The following PCDH15 variants were observed in gnomAD, a reference collection of about 807,000 sequenced individuals.
PCDH15 encodes the protein protocadherin-15.
PCDH15 carries 129 observed loss-of-function variants against 178.5 expected under a neutral mutation model. The ratio of observed to expected loss-of-function variants is 0.72; its 90% CI spans 0.63 to 0.84. The LOEUF is 0.84. PCDH15 is among the 40% of genes least tolerant of loss of function. The pLI is 0.00. For missense variants in PCDH15, 2,230 were observed against 2,099.9 expected (o/e 1.06, Z -1.21); for synonymous variants, 800 against 732.0 (o/e 1.09, Z -1.50).
At chr10:54,680,856 G>A (rs2094886953) in intron 1 of PCDH15, among the ~76,000 whole-genome samples, 1 of 152,168 alleles carries the variant, frequency 6.6e-6, no homozygotes, top group African/African-American at 2.4e-5. Flanking sequence ...TCTTGGGTAT[G>A]TCTTTATTAG....
At chr10:53,965,349 C>T (rs563818169) in intron 21 of PCDH15, among the ~76,000 whole-genome samples, 4 of 152,258 alleles carry the variant, frequency 2.6e-5, no homozygotes, top group East Asian at 3.9e-4. Flanking sequence ...TAAGCCACCG[C>T]GCCCAGCCCT....
intron 9 of PCDH15, among the ~76,000 whole-genome samples, chr10:54,230,394 A>G (rs2053925875): frequency 6.6e-6 from 1 of 152,166 alleles, no homozygotes; most frequent in Non-Finnish European, 1.5e-5. Context: ...CAAAAAAGGA[A>G]ACAGAAAAAT....
At chr10:54,181,162 C>T (rs768055314) in intron 13 of PCDH15, among the ~76,000 whole-genome samples, 1 of 151,982 alleles carries the variant, frequency 6.6e-6, no homozygotes, top group African/African-American at 2.4e-5. Flanking sequence ...AATTGTCATT[C>T]ATTTATTTAT....
At chr10:55,581,873 G>T (rs574919046) in intron 2 of PCDH15, among the ~76,000 whole-genome samples, 1 of 152,120 alleles carries the variant, frequency 6.6e-6, no homozygotes, top group African/African-American at 2.4e-5. Flanking sequence ...ATGGGGAACC[G>T]ATTCTTGCTC....
intron 2 of PCDH15, among the ~76,000 whole-genome samples, chr10:55,159,365 C>CTA (rs1181041481): frequency 5.8e-4 from 10 of 17,274 alleles, no homozygotes; most frequent in African/African-American, 1.1e-3. Context: ...ATCTATCTAT[C>CTA]TATCTATATA....
At position 55,485,891 on chromosome 10, in the gene PCDH15, T is replaced by A. The variant is rs148486976; in HGVS notation, c.-156+141734A>T. Reference sequence around the variant, plus strand: ...TTCCTTTTGGGGTCTGGAACTTCGATAACCATAGTCAGTCACATAGACTTT... The same window carrying A: ...TTCCTTTTGGGGTCTGGAACTTCGAAAACCATAGTCAGTCACATAGACTTT... On this transcript the variant is annotated intron_variant, in intron 2 of 5. Transcript: ENST00000613346. Among the ~76,000 whole-genome samples the A allele has an allele frequency of 2.3e-3, 348 of 151,832 alleles. 2 individuals are homozygous for A. Among genetic ancestry groups the A allele is most frequent in the Non-Finnish European group, 4.0e-3 (271 of 67,792 alleles).
intron 1 of PCDH15, among the ~76,000 whole-genome samples, chr10:54,786,702 T>C (rs189208097): frequency 6.6e-6 from 1 of 152,058 alleles, no homozygotes; most frequent in East Asian, 1.9e-4. Flanking sequence ...GATCTTTGAA[T>C]TTATGTCAAT....
At chr10:55,344,546 A>C (rs1165933860) in intron 2 of PCDH15, among the ~76,000 whole-genome samples, 3 of 152,126 alleles carry the variant, frequency 2.0e-5, no homozygotes, top group South Asian at 4.1e-4. Context: ...AAAAGAAGAC[A>C]GTCAAAGATT....
chr10:54,707,542 A>C (rs1008452619), intron 1 of PCDH15, among the ~76,000 whole-genome samples: 1 of 152,184 alleles, frequency 6.6e-6, no homozygotes, highest in Non-Finnish European at 1.5e-5. Flanking sequence ...ACAAATAATA[A>C]AATAATTAAA....
At position 55,463,933 on chromosome 10, in the gene PCDH15, GAAAGAAAGAAAGAAAGAAAGAAAGAA is replaced by G. The variant is rs1839745228; in HGVS notation, c.-156+163666_-156+163691del. Among the ~76,000 whole-genome samples the G allele has an allele frequency of 6.4e-5, 2 of 31,320 alleles. 1 individual carries two copies. Among genetic ancestry groups the G allele is most frequent in the African/African-American group, 3.6e-4 (2 of 5,592 alleles). The allele number at this position is 31,320 out of a possible 152,430, so 20.5% of individuals were successfully genotyped here. A position where few individuals can be genotyped will look rare whatever the true frequency, so the allele number is the denominator to read the frequency against. ...AGAAAGAAAGAAAGAAAGAAAGAAA[GAAAGAAAGAAAGAAAGAAAGAAAGAA>G]AGAAAGAAAGAAAGAGAAAGAAAGA... On this transcript the variant is annotated intron_variant, in intron 2 of 5. Coordinates refer to the PCDH15 transcript ENST00000613346.
chr10:54,462,229 C>T (rs917779530), intron 3 of PCDH15, among the ~76,000 whole-genome samples: 1 of 151,628 alleles, frequency 6.6e-6, no homozygotes, highest in Non-Finnish European at 1.5e-5. Context: ...TCTGTAAAGT[C>T]GATATTTAAT....
intron 23 of PCDH15, among the ~76,000 whole-genome samples, chr10:53,949,362 C>A (rs756417655): frequency 6.6e-6 from 1 of 152,174 alleles, no homozygotes; most frequent in Non-Finnish European, 1.5e-5. Context: ...TTTTAGCAAT[C>A]GAGTTATGCT....
chr10:54,596,796 A>G (rs1451873998), intron 2 of PCDH15, among the ~76,000 whole-genome samples: 1 of 152,200 alleles, frequency 6.6e-6, no homozygotes, highest in Non-Finnish European at 1.5e-5. Context: ...CAATTATTGC[A>G]ATCCTAATTT....
intron 8 of PCDH15, among the ~76,000 whole-genome samples, chr10:54,261,909 A>T (rs955150059): frequency 3.9e-5 from 6 of 152,180 alleles, no homozygotes; most frequent in Non-Finnish European, 8.8e-5. Context: ...GAAAACACTG[A>T]AAGTTGATAC....
chr10:53,838,165 C>T (rs1418505128), intron 29 of PCDH15, among the ~76,000 whole-genome samples: 12 of 151,620 alleles, frequency 7.9e-5, no homozygotes, highest in African/African-American at 2.4e-4. Flanking sequence ...TTAGTAGAGA[C>T]GGGGTTTCAC....
At chr10:54,794,769 A>G (rs11004581) in intron 1 of PCDH15, among the ~76,000 whole-genome samples, 19,015 of 151,916 alleles carry the variant, frequency 0.13, 1,808 homozygotes, top group East Asian at 0.48. Flanking sequence ...CATTTATAAG[A>G]TAAATTCAAC....
At chr10:53,866,223 A>C (rs2133150054) in intron 27 of PCDH15, among the ~76,000 whole-genome samples, 1 of 152,236 alleles carries the variant, frequency 6.6e-6, no homozygotes, top group Non-Finnish European at 1.5e-5. Flanking sequence ...AAAATGCTGA[A>C]AGTAATTTAA....
intron 8 of PCDH15, among the ~76,000 whole-genome samples, chr10:54,270,822 G>A (rs1369892591): frequency 2.6e-5 from 4 of 152,178 alleles, no homozygotes; most frequent in East Asian, 1.9e-4. Context: ...GGGCTATAAC[G>A]TTGATAAGAA....
At chr10:54,935,853 A>AT (rs150565160) in intron 2 of PCDH15, among the ~76,000 whole-genome samples, 2,178 of 152,148 alleles carry the variant, frequency 0.014, 26 homozygotes, top group Middle Eastern at 0.065. Context: ...CCCAAAAGGA[A>AT]TTTTTTTATG....
Sources: gnomAD v4.1 joint callset for allele counts (sites outside exome capture counted in the v4.1 genomes callset) on GRCh38, gnomAD v4.1.1 for gene constraint, MANE v1.5 for transcripts, NCBI Gene and HGNC (gene_info 2026-07-23, HGNC 2026-07-21) for gene names.